The following ACTR6 variants were observed in gnomAD, a reference collection of about 807,000 sequenced individuals.
ACTR6 encodes the protein actin-related protein 6.
ACTR6 carries 50 observed loss-of-function variants against 52.5 expected under a neutral mutation model. That is an observed-to-expected ratio of 0.95 (90% CI 0.76 to 1.20). ACTR6 has a LOEUF of 1.20. ACTR6 is among the 50% of genes most tolerant of loss of function. ACTR6 has a pLI of 0.00. For synonymous variants in ACTR6, 135 were observed against 147.2 expected, an observed-to-expected ratio of 0.92 and a Z score of 0.60; for missense variants, 344 against 472.4, an observed-to-expected ratio of 0.73 and a Z score of 2.52.
At chr12:100,213,524 C>T (rs1320016395) in intron 8 of ACTR6, among the ~76,000 whole-genome samples, 1 of 152,192 alleles carries the variant, frequency 6.6e-6, no homozygotes, top group East Asian at 1.9e-4. Flanking sequence ...TAGGGCAAAT[C>T]TGGAGATAAA....
intron 1 of ACTR6, among the ~76,000 whole-genome samples, chr12:100,202,780 C>T (rs908609910): frequency 3.3e-5 from 5 of 151,368 alleles, no homozygotes; most frequent in African/African-American, 1.2e-4. Context: ...TGGCGTGGGC[C>T]TGGGAGGCGG....
chr12:100,205,035 T>G lies in ACTR6; in HGVS notation c.164T>G (p.Phe55Cys). The change falls in exon 2 of 11, where the codon TTT becomes TGT. Residue 55 changes from phenylalanine to cysteine, a missense_variant. By Grantham distance (205) the Phe-to-Cys change is radical. Transcript: ENST00000188312. ...GAAATAAAAGACCCTTCTGGACTCT[T>G]TTACATCCTCCCTTTTCAAAAGGTA... ...IDEIKDPSGLFYILPFQKGYL... is the reference protein window; with the variant it reads ...IDEIKDPSGLCYILPFQKGYL... The G allele has an allele frequency of 6.3e-7, 1 of 1,592,188 alleles. No homozygotes were observed. Among genetic ancestry groups the G allele is most frequent in the Non-Finnish European group, 8.6e-7 (1 of 1,164,416 alleles).
chr12:100,201,830 C>T (rs767762534), intron 1 of ACTR6, among the ~76,000 whole-genome samples: 4 of 152,146 alleles, frequency 2.6e-5, no homozygotes, highest in Non-Finnish European at 4.4e-5. Context: ...ATCATGTTGG[C>T]CAGGCCGGTC....
At chr12:100,202,983 C>T (rs769565653) in intron 1 of ACTR6, among the ~76,000 whole-genome samples, 10 of 151,942 alleles carry the variant, frequency 6.6e-5, no homozygotes, top group Non-Finnish European at 1.5e-4. Flanking sequence ...TGAGTGTGGG[C>T]GATGGTTTTG....
chr12:100,219,702 A>G (rs532881406), intron 9 of ACTR6, among the ~76,000 whole-genome samples: 1 of 152,238 alleles, frequency 6.6e-6, no homozygotes, highest in African/African-American at 2.4e-5. Flanking sequence ...TTTTTTTACT[A>G]CAGTGTCACT....
At chr12:100,210,896 T>C (rs2096119322) in intron 6 of ACTR6, among the ~76,000 whole-genome samples, 1 of 152,210 alleles carries the variant, frequency 6.6e-6, no homozygotes, top group African/African-American at 2.4e-5. Context: ...CCTACTCCTT[T>C]GTATTTGCTC....
At chr12:100,205,267 G>T (rs1248543767) in intron 2 of ACTR6, 2 of 392,640 alleles carry the variant, frequency 5.1e-6, no homozygotes, top group Non-Finnish European at 8.9e-6. Context: ...AATCTAAGTG[G>T]TATGCACACA....
At chr12:100,202,188 C>G (rs1389532594) in intron 1 of ACTR6, among the ~76,000 whole-genome samples, 1 of 152,136 alleles carries the variant, frequency 6.6e-6, no homozygotes, top group Non-Finnish European at 1.5e-5. Flanking sequence ...GCTTCAGCCT[C>G]CTAAAGTGCT....
chr12:100,223,029 A>C (rs1316361281), intron 10 of ACTR6, among the ~76,000 whole-genome samples: 2 of 152,128 alleles, frequency 1.3e-5, no homozygotes, highest in African/African-American at 4.8e-5. Flanking sequence ...TCTGAGCCTC[A>C]TTTTTCAAAT....
At chr12:100,215,596 G>C (rs1349770777) in intron 8 of ACTR6, among the ~76,000 whole-genome samples, 1 of 152,190 alleles carries the variant, frequency 6.6e-6, no homozygotes, top group East Asian at 1.9e-4. Context: ...TTTAATAGCA[G>C]ATGAGTGGAC....
chr12:100,207,462 C>A (rs571540997), intron 3 of ACTR6, among the ~76,000 whole-genome samples: 1 of 152,218 alleles, frequency 6.6e-6, no homozygotes, highest in African/African-American at 2.4e-5. Flanking sequence ...GGATTCAAAT[C>A]TTACCTATGT....
intron 1 of ACTR6, among the ~76,000 whole-genome samples, chr12:100,202,923 C>T (rs1203716537): frequency 1.3e-5 from 2 of 151,480 alleles, no homozygotes; most frequent in Non-Finnish European, 2.9e-5. Context: ...ACCTTTTTGG[C>T]ACCAAGGACT....
Position 100,219,991 on chromosome 12 carries a change from C to T in ACTR6, c.923-17C>T, listed in dbSNP as rs2096126827. The T allele has an allele frequency of 6.2e-7, 1 of 1,610,442 alleles. No homozygotes were observed. The highest frequency in any genetic ancestry group is 1.3e-5 in the African/African-American group (1 of 74,616). ...TAATGCCTTTTTTCCTTTCCTTCTC[C>T]TTTTCTTCTTTTAAAGAAATGCAGC... On this transcript the variant is annotated splice_polypyrimidine_tract_variant and intron_variant, in intron 9 of 10. Transcript: ENST00000188312.
At chr12:100,222,174 C>G in intron 10 of ACTR6, among the ~76,000 whole-genome samples, 1 of 150,588 alleles carries the variant, frequency 6.6e-6, no homozygotes. Context: ...AGGCGGGTCT[C>G]AAACTCCTGA....
intron 10 of ACTR6, among the ~76,000 whole-genome samples, chr12:100,220,944 A>C (rs888085914): frequency 1.3e-5 from 2 of 151,394 alleles, no homozygotes; most frequent in Non-Finnish European, 2.9e-5. Flanking sequence ...CTAAGATTGC[A>C]CCACTGTATG....
rs7303552 is a variant in ACTR6, at chr12:100,201,283, A to G, written c.68+364A>G. On this transcript the variant is annotated intron_variant, in intron 1 of 10. Coordinates refer to ENST00000188312, the MANE Select transcript of ACTR6 (RefSeq NM_022496.5). ...TGCGGATTTTCCTGGGTACAAGATT[A>G]TAGGTTTCATTAGATTCTCAAAGGG... 0.038 allele frequency among the ~76,000 whole-genome samples: 5,799 copies of G among 152,296 alleles called. 149 individuals are homozygous for G. Among genetic ancestry groups the G allele is most frequent in the South Asian group, 0.073 (353 of 4,828 alleles).
At chr12:100,201,113 C>T (rs2096109306) in intron 1 of ACTR6, 194 bp downstream of exon 1, 3 of 1,391,432 alleles carry the variant, frequency 2.2e-6, no homozygotes, top group Non-Finnish European at 2.8e-6. Flanking sequence ...TAGTTTTGGG[C>T]TGCGAGGCCC....
chr12:100,217,297 G>A (rs1468083221), intron 8 of ACTR6, among the ~76,000 whole-genome samples: 5 of 152,146 alleles, frequency 3.3e-5, no homozygotes, highest in Non-Finnish European at 7.3e-5. Flanking sequence ...AAGCTATGAA[G>A]GATAATATAG....
chr12:100,221,975 G>A (rs935546333), intron 10 of ACTR6, among the ~76,000 whole-genome samples: 2 of 151,506 alleles, frequency 1.3e-5, no homozygotes, highest in Non-Finnish European at 2.9e-5. Flanking sequence ...TATTTTTTGA[G>A]ATGGAGTCTC....
Sources: allele counts gnomAD v4.1 joint callset (sites outside exome capture counted in the v4.1 genomes callset), GRCh38; gene constraint gnomAD v4.1.1; transcripts MANE v1.5; gene names NCBI Gene and HGNC (gene_info 2026-07-23, HGNC 2026-07-21).